Variants in IL1RAPL2 observed in about 807,000 individuals in gnomAD.
IL1RAPL2 encodes interleukin 1 receptor accessory protein like 2, also known as X-linked interleukin-1 receptor accessory protein-like 2.
In IL1RAPL2, 3 loss-of-function variants were observed where a neutral mutation model predicts 44.1. The ratio of observed to expected loss-of-function variants is 0.07; its 90% confidence interval spans 0.03 to 0.18. The LOEUF (loss-of-function observed/expected upper bound fraction) is 0.18. Among genes scored for constraint, IL1RAPL2 ranks in the 10% least tolerant of loss-of-function variants. The pLI, the probability that IL1RAPL2 is intolerant of heterozygous loss-of-function variation, is 1.00. For missense variants in IL1RAPL2, 391 were observed against 496.4 expected (o/e 0.79, Z 2.02); for synonymous variants, 181 against 178.8 (o/e 1.01, Z -0.10).
rs1256819468 is a variant in IL1RAPL2 at position 105,319,875 on chromosome X, T to C, written c.697+52334T>C. On this transcript the variant is annotated intron_variant, in intron 5 of 10. Transcript: ENST00000372582. ...AGCTGGCAGTTTTAATAGGCGATCA[T>C]AGAAAAGAATGCCAGCAAAAATGAC... Among the ~76,000 whole-genome samples the C allele has an allele frequency of 6.3e-5, 7 of 111,252 alleles. No individual in the cohort carries two copies. The Admixed American group carries it at 6.7e-4, about 11-fold the overall frequency.
chrX:104,939,863 T>C, intron 2 of IL1RAPL2, among the ~76,000 whole-genome samples: 1 of 112,032 alleles, frequency 8.9e-6, no homozygotes, highest in Middle Eastern at 4.7e-3. Context: ...ATTATCTGAT[T>C]TCATTGGTAT....
intron 5 of IL1RAPL2, among the ~76,000 whole-genome samples, chrX:105,281,802 G>T (rs185901896): frequency 2.1e-4 from 23 of 111,297 alleles, no homozygotes; most frequent in Non-Finnish European, 3.8e-5. Context: ...TTCTCAAAAT[G>T]TATTCCCATT....
intron 2 of IL1RAPL2, among the ~76,000 whole-genome samples, chrX:104,891,843 T>C (rs1306492717): frequency 9.0e-6 from 1 of 110,990 alleles, no homozygotes; most frequent in South Asian, 3.8e-4. Flanking sequence ...TGAATAGGAG[T>C]GGTGAGAGAG....
At chrX:105,766,893 T>C (rs2038735328) in intron 10 of IL1RAPL2, 71 bp from the exon 11 acceptor site, 1 of 707,033 alleles carries the variant, frequency 1.4e-6, no homozygotes, top group African/African-American at 2.2e-5. Context: ...GCTATACTAG[T>C]GTGCAAACCT....
chrX:104,970,451 C>T (rs776360507), intron 2 of IL1RAPL2, among the ~76,000 whole-genome samples: 1 of 111,772 alleles, frequency 8.9e-6, no homozygotes, highest in East Asian at 2.8e-4. Context: ...GCAGGGCTAC[C>T]CCACAGGCAG....
intron 2 of IL1RAPL2, among the ~76,000 whole-genome samples, chrX:104,880,619 G>C (rs1435759950): frequency 1.8e-5 from 2 of 111,346 alleles, no homozygotes; most frequent in Non-Finnish European, 3.8e-5. Context: ...CCTAAGCAAG[G>C]ACACAGCTTC....
At chrX:105,541,004 T>C (rs1345040368) in intron 6 of IL1RAPL2, among the ~76,000 whole-genome samples, 3 of 99,124 alleles carry the variant, frequency 3.0e-5, no homozygotes, top group Non-Finnish European at 6.0e-5. Context: ...AAATCAGCCC[T>C]CTTTTCTTCA....
At position 105,767,118 on chromosome X, in the gene IL1RAPL2, G is replaced by T. The variant is rs1251019733; in HGVS notation, c.1518G>T (p.Leu506Phe). 2.5e-6 allele frequency: 3 copies of T among 1,209,544 alleles called. No homozygotes were observed. The highest frequency in any genetic ancestry group is 3.5e-5 in the African/African-American group (2 of 57,109). Residue 506 changes from leucine (L) to phenylalanine (F), a missense_variant, in exon 11 of 11, where the codon TTG becomes TTT. Leu to Phe is a conservative substitution (Grantham distance 22, BLOSUM62 0). Coordinates refer to ENST00000372582, the MANE Select transcript of IL1RAPL2 (RefSeq NM_017416.2). Reference sequence around the variant, plus strand: ...TCAGTGGAGAAATCAAAGTGATTTTGATTGAGTGTACAGAATTAAAAGGGA... The same window carrying T: ...TCAGTGGAGAAATCAAAGTGATTTTTATTGAGTGTACAGAATTAAAAGGGA... ...MLVSGEIKVILIECTELKGKV... is the reference protein window; with the variant it reads ...MLVSGEIKVIFIECTELKGKV...
rs73529461 is a variant in IL1RAPL2 at position 104,799,428 on chromosome X, A to G, written c.82+140433A>G. On this transcript the variant is annotated intron_variant, in intron 2 of 10. Coordinates refer to ENST00000372582, the MANE Select transcript of IL1RAPL2 (RefSeq NM_017416.2). ...ACCTGGATTGCTGGGACCCATCCCT[A>G]GAACTTCTGACTTAGGAGGTTATGG... Among the ~76,000 whole-genome samples, 758 of 111,221 alleles carry G rather than the reference A, an allele frequency of 6.8e-3. 9 individuals carry two copies. The highest frequency in any genetic ancestry group is 0.037 in the Middle Eastern group (8 of 218).
At chrX:104,850,833 C>T (rs1361235886) in intron 2 of IL1RAPL2, among the ~76,000 whole-genome samples, 1 of 110,365 alleles carries the variant, frequency 9.1e-6, no homozygotes, top group Non-Finnish European at 1.9e-5. Context: ...CATGTTAACT[C>T]TATAGTTGGT....
chrX:105,027,678 C>G (rs1259605159), intron 2 of IL1RAPL2, among the ~76,000 whole-genome samples: 1 of 111,293 alleles, frequency 9.0e-6, no homozygotes, highest in Non-Finnish European at 1.9e-5. Context: ...CATGAAATAA[C>G]AAATGCTGGT....
chrX:105,765,177 T>C lies in IL1RAPL2; in HGVS notation c.1364-1787T>C, dbSNP rs1031009058. Reference sequence around the variant, plus strand: ...ATGCATGATAGTTTATTTTACTGTATCTTACAGATCCAACTTCTAATGATG... The same window carrying C: ...ATGCATGATAGTTTATTTTACTGTACCTTACAGATCCAACTTCTAATGATG... On this transcript the variant is annotated intron_variant, in intron 10 of 10. Transcript: ENST00000372582. The C allele has an allele frequency of 3.6e-5, 4 of 112,126 alleles. No individual in the cohort carries two copies. The South Asian group carries it at 1.1e-3, about 31-fold the overall frequency. The allele number at this position is 112,126 out of a possible 1,213,427, so 9.2% of individuals were successfully genotyped here. A position where few individuals can be genotyped will look rare whatever the true frequency, so the allele number is the denominator to read the frequency against.
At position 105,031,286 on chromosome X, in the gene IL1RAPL2, T is replaced by G. The variant is rs566686968; in HGVS notation, c.83-164189T>G. Reference sequence around the variant, plus strand: ...CCAGAACTTCCAACACTATGTTGAATAGGAGTGGTGAGAGAGGGCATCCCT... The same window carrying G: ...CCAGAACTTCCAACACTATGTTGAAGAGGAGTGGTGAGAGAGGGCATCCCT... On this transcript the variant is annotated intron_variant, in intron 2 of 10. Transcript: ENST00000372582. 5.9e-4 allele frequency among the ~76,000 whole-genome samples: 63 copies of G among 107,517 alleles called. No individual in the cohort carries two copies. In the South Asian group the frequency reaches 0.026, roughly 44 times the overall value. 93.4% of individuals were successfully genotyped at this position (107,517 alleles called of 115,157 possible).
intron 6 of IL1RAPL2, among the ~76,000 whole-genome samples, chrX:105,588,365 T>C (rs2037144576): frequency 9.0e-6 from 1 of 111,680 alleles, no homozygotes; most frequent in South Asian, 3.7e-4. Context: ...AAAGACAAAA[T>C]ATATTTTAAT....
intron 6 of IL1RAPL2, among the ~76,000 whole-genome samples, chrX:105,699,651 C>T (rs926013045): frequency 9.0e-6 from 1 of 111,637 alleles, no homozygotes; most frequent in Non-Finnish European, 1.9e-5. Context: ...AATCCATCAT[C>T]TTCTAGGCTT....
chrX:105,515,826 T>A lies in IL1RAPL2; in HGVS notation c.772+31439T>A, dbSNP rs759748505. On this transcript the variant is annotated intron_variant, in intron 6 of 10. Coordinates refer to ENST00000372582, the MANE Select transcript of IL1RAPL2 (RefSeq NM_017416.2). ...ATGACCTGAATCCCTTGACATCTGC[T>A]TTGTGGCTTTGCAGCAGGAAAATAG... Among the ~76,000 whole-genome samples, 8 of 111,983 alleles carry A rather than the reference T, an allele frequency of 7.1e-5. No individual in the cohort carries two copies. In the Middle Eastern group the frequency reaches 0.023, roughly 324 times the overall value.
At chrX:105,361,109 G>A (rs1374172169) in intron 5 of IL1RAPL2, among the ~76,000 whole-genome samples, 1 of 111,486 alleles carries the variant, frequency 9.0e-6, no homozygotes, top group Non-Finnish European at 1.9e-5. Context: ...GTTGTTTGAA[G>A]GTGGCAGGAG....
At chrX:105,633,370 A>G (rs1231264002) in intron 6 of IL1RAPL2, among the ~76,000 whole-genome samples, 2 of 111,686 alleles carry the variant, frequency 1.8e-5, no homozygotes, top group South Asian at 7.5e-4. Flanking sequence ...GATACAATAA[A>G]CCCAAAGTGA....
At chrX:105,483,931 C>T (rs1222339534) in intron 5 of IL1RAPL2, among the ~76,000 whole-genome samples, 1 of 111,036 alleles carries the variant, frequency 9.0e-6, no homozygotes, top group Non-Finnish European at 1.9e-5. Flanking sequence ...TAAAAATGTC[C>T]GTTAGGGTAA....
Sources: allele counts gnomAD v4.1 joint callset (sites outside exome capture counted in the v4.1 genomes callset), GRCh38; gene constraint gnomAD v4.1.1; transcripts MANE v1.5; gene names NCBI Gene and HGNC (gene_info 2026-07-23, HGNC 2026-07-21).